Variants in STK10 observed in about 807,000 individuals in gnomAD.
STK10 encodes the protein serine/threonine kinase 10.
Under a neutral mutation model 113.8 loss-of-function variants are expected in STK10, and 78 were observed. The ratio of observed to expected loss-of-function variants is 0.69; its 90% confidence interval spans 0.57 to 0.83. The LOEUF (loss-of-function observed/expected upper bound fraction) is 0.83. STK10 is among the 40% of genes least tolerant of loss of function. The pLI is 0.00. For synonymous variants in STK10, 465 were observed against 494.7 expected, an observed-to-expected ratio of 0.94 and a Z score of 0.80; for missense variants, 1,109 against 1,280.1, an observed-to-expected ratio of 0.87 and a Z score of 2.04.
At chr5:172,160,789 G>C (rs1270754795) in intron 1 of STK10, among the ~76,000 whole-genome samples, 2 of 152,148 alleles carry the variant, frequency 1.3e-5, no homozygotes, top group Non-Finnish European at 2.9e-5. Flanking sequence ...CCATTCCACA[G>C]ACGGACGTGC....
intron 2 of STK10, among the ~76,000 whole-genome samples, chr5:172,137,951 A>C (rs1270274146): frequency 6.6e-6 from 1 of 151,812 alleles, no homozygotes; most frequent in East Asian, 1.9e-4. Flanking sequence ...CACAATTAAC[A>C]TCGCACTTAA....
chr5:172,144,430 C>T (rs527976905), intron 2 of STK10, among the ~76,000 whole-genome samples: 1 of 152,224 alleles, frequency 6.6e-6, no homozygotes, highest in South Asian at 2.1e-4. Context: ...CAACCAAGGC[C>T]TCTGCCTGAG....
At position 172,093,459 on chromosome 5, in the gene STK10, A is replaced by G. The variant is rs889063967; in HGVS notation, c.1507T>C (p.Ser503Pro). 1.9e-6 allele frequency: 3 copies of G among 1,613,330 alleles called. No individual in the cohort carries two copies. In the African/African-American group the frequency reaches 4.0e-5, roughly 22 times the overall value. Residue 503 changes from serine (S) to proline (P), a missense_variant, in exon 9 of 19, where the codon TCC becomes CCC. Physicochemically the swap from Ser to Pro is moderately conservative, Grantham distance 74 (BLOSUM62 -1). This residue lies in a region of STK10 where 885 missense variants were observed against 991.1 expected (regional missense o/e 0.89). Transcript: ENST00000176763. This position sits in a 1 kb window ranked among gnomAD's most constrained non-coding sequence, Gnocchi z 4.1. ...SESMDYGTNL[S>P]TDLSLNKEMG... ...TCTTTGTTCAGCGACAGGTCAGTGG[A>G]GAGATTGGTACCATAGTCCATGCTC...
chr5:172,183,688 G>A (rs747296523), intron 1 of STK10, among the ~76,000 whole-genome samples: 8 of 151,990 alleles, frequency 5.3e-5, no homozygotes, highest in East Asian at 1.9e-4. Flanking sequence ...AACTCCTGAC[G>A]TCAAGTGATC....
chr5:172,166,875 C>G (rs1362753692), intron 1 of STK10, among the ~76,000 whole-genome samples: 1 of 152,134 alleles, frequency 6.6e-6, no homozygotes, highest in Non-Finnish European at 1.5e-5. Context: ...TTTAAAAAGA[C>G]AACAGGCCAG....
intron 12 of STK10, among the ~76,000 whole-genome samples, chr5:172,078,546 G>A (rs992592818): frequency 1.4e-5 from 2 of 147,670 alleles, no homozygotes; most frequent in African/African-American, 5.0e-5. Flanking sequence ...GCTGGAGCAG[G>A]AGGATCACTT....
At chr5:172,178,481 C>G (rs1361842357) in intron 1 of STK10, among the ~76,000 whole-genome samples, 1 of 152,232 alleles carries the variant, frequency 6.6e-6, no homozygotes, top group African/African-American at 2.4e-5. Flanking sequence ...TCTCCTCCCC[C>G]ATGACACACT....
Position 172,127,364 on chromosome 5 carries a change from A to G in STK10, c.370+9T>C. On this transcript the variant is annotated intron_variant, in intron 3 of 18. Transcript: ENST00000176763. ...GTCCCGACAATGCACCGAATCAAGT[A>G]AGACTCACCCAGCATGATGGCGTCC... 6.2e-7 allele frequency: 1 copy of G among 1,613,816 alleles called. No homozygotes were observed. The highest frequency in any genetic ancestry group is 8.5e-7 in the Non-Finnish European group (1 of 1,179,806).
chr5:172,094,828 T>A (rs1768810233), intron 8 of STK10, among the ~76,000 whole-genome samples: 1 of 152,250 alleles, frequency 6.6e-6, no homozygotes, highest in South Asian at 2.1e-4. Flanking sequence ...TCAGCCCTTG[T>A]GGCCACTAAG....
rs1358949470 is a variant in STK10, at chr5:172,107,858, A to C, written c.521-6T>G. 1 of 1,614,158 alleles carries C rather than the reference A, an allele frequency of 6.2e-7. No individual in the cohort carries two copies. Among genetic ancestry groups the C allele is most frequent in the East Asian group, 2.2e-5 (1 of 44,890 alleles). ...GGCAGACACACCAAAGTCAGCTGCA[A>C]GACAAAATCTCAGCTAGCGTTTTCC... On this transcript the variant is annotated splice_polypyrimidine_tract_variant and splice_region_variant and intron_variant, in intron 4 of 18. Coordinates refer to ENST00000176763, the MANE Select transcript of STK10 (RefSeq NM_005990.4).
chr5:172,055,696 C>T lies in STK10; in HGVS notation c.2418G>A (p.Leu806=), dbSNP rs200090403. ...KVRQQQEKAR[L]PKIQRSEGKT... The stretch of plus-strand genomic sequence containing the variant: ...TGCCCTCACTCCTCTGGATCTTGGG[C>T]AGCCGCGCCTTTTCCTGTTGCTGCC... The change falls in exon 16 of 19, where the codon CTG becomes CTA. Residue 806 remains leucine (L), a synonymous_variant. Coordinates refer to ENST00000176763, the MANE Select transcript of STK10 (RefSeq NM_005990.4). 3 of 1,584,234 alleles carry T rather than the reference C, an allele frequency of 1.9e-6. No individual in the cohort carries two copies. The highest frequency in any genetic ancestry group is 2.3e-5 in the East Asian group (1 of 43,074).
At chr5:172,146,213 G>A (rs534774653) in intron 2 of STK10, among the ~76,000 whole-genome samples, 4 of 152,278 alleles carry the variant, frequency 2.6e-5, no homozygotes, top group East Asian at 3.9e-4. Flanking sequence ...GCCCACAGCC[G>A]GTGCTCCCCG....
At chr5:172,057,270 G>A (rs1767825943) in intron 15 of STK10, 79 bp downstream of exon 15, 1 of 1,532,092 alleles carries the variant, frequency 6.5e-7, no homozygotes, top group Non-Finnish European at 8.8e-7. Context: ...CCCAAGAGGT[G>A]CCCCATCACA....
rs892962470 is a variant in STK10, at chr5:172,042,717, G to T, written c.*2165C>A. 1.3e-5 allele frequency: 2 copies of T among 152,178 alleles called. No homozygotes were observed. Among genetic ancestry groups the T allele is most frequent in the Non-Finnish European group, 2.9e-5 (2 of 68,044 alleles). 9.4% of individuals were successfully genotyped at this position (152,178 alleles called of 1,614,324 possible). A position where few individuals can be genotyped will look rare whatever the true frequency, so the allele number is the denominator to read the frequency against. On this transcript the variant is annotated 3_prime_UTR_variant, in exon 19 of 19. Transcript: ENST00000176763. ...GAGAATAAAAGGAGACAATTGTTTC[G>T]CTTGTCTCATTTGTGAGAGACCTAA...
Position 172,093,741 on chromosome 5 carries a change from G to A in STK10, c.1225C>T (p.Pro409Ser), listed in dbSNP as rs1182962728. The A allele has an allele frequency of 8.1e-6, 13 of 1,613,200 alleles. No homozygotes were observed. The highest frequency in any genetic ancestry group is 5.3e-5 in the African/African-American group (4 of 74,906). The change falls in exon 9 of 19, where the codon CCC (proline) becomes TCC (serine). Residue 409 changes from proline (P) to serine (S), a missense_variant. Transcript: ENST00000176763. This position sits in a 1 kb window ranked among gnomAD's most constrained non-coding sequence, Gnocchi z 4.1. Reference protein sequence around the residue: ...GNENGLAVPVPLRKSRPVSMD... With the variant: ...GNENGLAVPVSLRKSRPVSMD... ...GACACGGGTCGGGACTTCCGCAGGGGCACAGGCACTGCCAGGCCGTTCTCA... is the reference window on the plus strand; with the variant it reads ...GACACGGGTCGGGACTTCCGCAGGGACACAGGCACTGCCAGGCCGTTCTCA...
chr5:172,161,918 G>C (rs779779049), intron 1 of STK10, among the ~76,000 whole-genome samples: 4 of 152,122 alleles, frequency 2.6e-5, no homozygotes, highest in Non-Finnish European at 5.9e-5. Context: ...CTCCACACTG[G>C]GCCCAGGAGC....
intron 2 of STK10, among the ~76,000 whole-genome samples, chr5:172,150,147 C>T (rs932414553): frequency 2.0e-5 from 3 of 151,590 alleles, no homozygotes; most frequent in Non-Finnish European, 4.4e-5. Context: ...GGAAAGGAAG[C>T]TCATCTCGGG....
At chr5:172,096,813 C>T (rs1768865788) in intron 7 of STK10, among the ~76,000 whole-genome samples, 1 of 152,168 alleles carries the variant, frequency 6.6e-6, no homozygotes. Context: ...ACAGGCTCCT[C>T]ATCTCTCAAG....
At chr5:172,051,453 C>T (rs930066143) in intron 18 of STK10, among the ~76,000 whole-genome samples, 18 of 151,558 alleles carry the variant, frequency 1.2e-4, no homozygotes, top group African/African-American at 3.6e-4. Flanking sequence ...GGTGAAACCC[C>T]GTCTCTACTA....
Sources: gnomAD v4.1 joint callset for allele counts (sites outside exome capture counted in the v4.1 genomes callset) on GRCh38, gnomAD v4.1.1 for gene constraint, gnomAD v4.1.1 regional missense constraint, Gnocchi (gnomAD v3.1) non-coding constraint, MANE v1.5 for transcripts, NCBI Gene and HGNC (gene_info 2026-07-23, HGNC 2026-07-21) for gene names.